ATP11A: variants seen among roughly 807,000 people sequenced by gnomAD.
ATP11A encodes the protein phospholipid-transporting ATPase IH.
Under a neutral mutation model 154.4 loss-of-function variants are expected in ATP11A, and 81 were observed. The ratio of observed to expected loss-of-function variants is 0.52; its 90% CI spans 0.44 to 0.63. The LOEUF (loss-of-function observed/expected upper bound fraction) is 0.63. Among genes scored for constraint, ATP11A ranks in the 30% least tolerant of loss-of-function variants. ATP11A has a pLI of 0.00. For missense variants in ATP11A, 1,316 were observed against 1,474.3 expected, an observed-to-expected ratio of 0.89 and a Z score of 1.76; for synonymous variants, 623 against 585.9, an observed-to-expected ratio of 1.06 and a Z score of -0.91.
intron 2 of ATP11A, among the ~76,000 whole-genome samples, chr13:112,793,282 A>G (rs1430441261): frequency 1.3e-5 from 2 of 151,832 alleles, no homozygotes; most frequent in African/African-American, 4.8e-5. Context: ...GCTCACTGCA[A>G]CCTCCACCGC....
chr13:112,841,593 C>T (rs1356678475), intron 16 of ATP11A, among the ~76,000 whole-genome samples: 3 of 151,352 alleles, frequency 2.0e-5, no homozygotes, highest in African/African-American at 7.3e-5. Context: ...ACAAACTAGC[C>T]ACCTGGCAGA....
intron 28 of ATP11A, 86 bp downstream of exon 28, chr13:112,876,027 A>G (rs1594254741): frequency 6.8e-7 from 1 of 1,474,830 alleles, no homozygotes; most frequent in Non-Finnish European, 9.1e-7. Context: ...GACAGTGTGA[A>G]AGGTTTGGAT....
At chr13:112,789,172 T>C (rs428554) in intron 2 of ATP11A, among the ~76,000 whole-genome samples, 64 of 140,484 alleles carry the variant, frequency 4.6e-4, no homozygotes, top group African/African-American at 1.6e-3. Flanking sequence ...ATGTGTAGAC[T>C]CCTGTGGAGA....
chr13:112,782,689 A>G (rs2077528844), intron 1 of ATP11A, among the ~76,000 whole-genome samples: 1 of 152,132 alleles, frequency 6.6e-6, no homozygotes, highest in African/African-American at 2.4e-5. Context: ...CCGGAGGAGG[A>G]GGGCCCGTCC....
chr13:112,846,479 T>C (rs2079611260), intron 17 of ATP11A, among the ~76,000 whole-genome samples: 1 of 152,228 alleles, frequency 6.6e-6, no homozygotes, highest in African/African-American at 2.4e-5. Context: ...CGTGGTTTTG[T>C]ATCCTCATGC....
chr13:112,808,291 AAG>A (rs2078381491), intron 4 of ATP11A, among the ~76,000 whole-genome samples: 1 of 151,842 alleles, frequency 6.6e-6, no homozygotes, highest in South Asian at 2.1e-4. Flanking sequence ...TGGGGATGTT[AAG>A]AGGGGGTCAG....
intron 4 of ATP11A, among the ~76,000 whole-genome samples, chr13:112,809,690 G>A (rs141599864): frequency 3.3e-4 from 50 of 152,324 alleles, no homozygotes; most frequent in African/African-American, 1.1e-3. Context: ...GGCCCCTGGT[G>A]TGCAGTCTCT....
intron 1 of ATP11A, among the ~76,000 whole-genome samples, chr13:112,723,512 T>TC (rs1210514427): frequency 6.6e-6 from 1 of 150,396 alleles, no homozygotes; most frequent in Non-Finnish European, 1.5e-5. Flanking sequence ...CCTCAGGTGA[T>TC]CCGCCTGCCT....
At chr13:112,849,141 C>T (rs1214864258) in intron 17 of ATP11A, among the ~76,000 whole-genome samples, 1 of 152,166 alleles carries the variant, frequency 6.6e-6, no homozygotes, top group Non-Finnish European at 1.5e-5. Flanking sequence ...TCATGTATTG[C>T]ATTGACTTTC....
chr13:112,878,342 A>G (rs776493759), intron 29 of ATP11A, 39 bp downstream of exon 29: 1 of 1,603,650 alleles, frequency 6.2e-7, no homozygotes, highest in Non-Finnish European at 8.5e-7. Flanking sequence ...GGGATGGTAG[A>G]CACGGGGCAG....
intron 15 of ATP11A, among the ~76,000 whole-genome samples, chr13:112,835,938 G>A (rs1247682683): frequency 6.6e-6 from 1 of 152,228 alleles, no homozygotes; most frequent in African/African-American, 2.4e-5. Context: ...GGGACGTAGT[G>A]AGGAGCCGGT....
chr13:112,863,246 C>T (rs71446663), intron 25 of ATP11A, among the ~76,000 whole-genome samples: 22 of 142,554 alleles, frequency 1.5e-4, no homozygotes, highest in African/African-American at 4.1e-4. Context: ...TCACCACCTG[C>T]GCAGTAATTC....
Position 112,690,301 on chromosome 13 carries a change from C to A in ATP11A, c.-116C>A. ...CGGCCGCCCCCTGCACCGCCCGGCG[C>A]GCCGAGGCCGTGACCGGAGCGGGGG... On this transcript the variant is annotated 5_prime_UTR_variant, in exon 1 of 30. Coordinates refer to ENST00000375645, the MANE Select transcript of ATP11A (RefSeq NM_015205.3). This position sits in a 1 kb window ranked among gnomAD's most constrained non-coding sequence, Gnocchi z 5.6. 1 of 753,948 alleles carries A rather than the reference C, an allele frequency of 1.3e-6. No homozygotes were observed. The highest frequency in any genetic ancestry group is 1.7e-6 in the Non-Finnish European group (1 of 591,612). The allele number at this position is 753,948 out of a possible 1,614,324, so 46.7% of individuals were successfully genotyped here.
chr13:112,754,238 C>T lies in ATP11A; in HGVS notation c.40-30897C>T, dbSNP rs903427889. ...AGAGAAGGCCGTGGAATAACAGGGCCGGGTTCTCACTGGCGGGACTGTTCA... is the reference window on the plus strand; with the variant it reads ...AGAGAAGGCCGTGGAATAACAGGGCTGGGTTCTCACTGGCGGGACTGTTCA... On this transcript the variant is annotated intron_variant, in intron 1 of 29. Coordinates refer to ENST00000375645, the MANE Select transcript of ATP11A (RefSeq NM_015205.3). The surrounding 1 kb of genome is among the most constrained non-coding windows in gnomAD (Gnocchi z 5.3). Among the ~76,000 whole-genome samples, 1 of 152,196 alleles carries T rather than the reference C, an allele frequency of 6.6e-6. No individual in the cohort carries two copies. The highest frequency in any genetic ancestry group is 1.5e-5 in the Non-Finnish European group (1 of 68,030).
At chr13:112,745,481 A>G (rs1263248695) in intron 1 of ATP11A, 1 of 152,256 alleles carries the variant, frequency 6.6e-6, no homozygotes, top group African/African-American at 2.4e-5. Flanking sequence ...GTTGGTAATA[A>G]TGTGAATGTT....
rs2079974826 is a variant in ATP11A at position 112,857,835 on chromosome 13, A to G, written c.2436A>G (p.Lys812=). 6.2e-7 allele frequency: 1 copy of G among 1,614,124 alleles called. No individual in the cohort carries two copies. The highest frequency in any genetic ancestry group is 2.2e-5 in the East Asian group (1 of 44,890). Residue 812 remains lysine, a synonymous_variant, in exon 21 of 30, where the codon AAA becomes AAG. Coordinates refer to ENST00000375645, the MANE Select transcript of ATP11A (RefSeq NM_015205.3). ...TTTTGCAGATTGTTAAATTAATCAA[A>G]TTTTCAAAAGAGCACCCAATCACGT... ...LQKAQIVKLI[K]FSKEHPITLA... is the part of the protein sequence containing the mutation.
chr13:112,738,825 C>G (rs1214103191), intron 1 of ATP11A, among the ~76,000 whole-genome samples: 1 of 152,104 alleles, frequency 6.6e-6, no homozygotes, highest in Non-Finnish European at 1.5e-5. Flanking sequence ...CCTACAGAGC[C>G]TCCCTTCTCG....
intron 25 of ATP11A, among the ~76,000 whole-genome samples, chr13:112,871,435 T>C (rs962996836): frequency 6.6e-6 from 1 of 152,172 alleles, no homozygotes; most frequent in African/African-American, 2.4e-5. Context: ...GCTGAGAGCA[T>C]TGAGCAGGGC....
intron 17 of ATP11A, among the ~76,000 whole-genome samples, chr13:112,846,514 G>A (rs575979807): frequency 6.6e-5 from 10 of 152,336 alleles, no homozygotes; most frequent in African/African-American, 2.4e-4. Context: ...GGGCGTGTGT[G>A]ATAACGATTG....
Sources: gnomAD v4.1 joint callset for allele counts (sites outside exome capture counted in the v4.1 genomes callset) on GRCh38, gnomAD v4.1.1 for gene constraint, Gnocchi (gnomAD v3.1) non-coding constraint, MANE v1.5 for transcripts, NCBI Gene and HGNC (gene_info 2026-07-23, HGNC 2026-07-21) for gene names.